NRXN3: variants seen among roughly 807,000 people sequenced by gnomAD.
NRXN3 encodes the protein neurexin III.
In NRXN3, 32 loss-of-function variants were observed where a neutral mutation model predicts 137.6. The ratio of observed to expected loss-of-function variants is 0.23; its 90% CI spans 0.18 to 0.31. The LOEUF is 0.31. Ranked by LOEUF, NRXN3 falls within the 10% of genes least tolerant of loss-of-function variation. The pLI is 1.00. For synonymous variants in NRXN3, 798 were observed against 784.5 expected (o/e 1.02, Z -0.29); for missense variants, 1,574 against 2,062.5 (o/e 0.76, Z 4.59).
chr14:79,094,937 TGAGA>T (rs1476031880), intron 15 of NRXN3, among the ~76,000 whole-genome samples: 3 of 135,730 alleles, frequency 2.2e-5, no homozygotes, highest in Non-Finnish European at 3.1e-5. Context: ...ATTTGGCTTC[TGAGA>T]GAGAGAAAGA....
At chr14:78,862,359 C>T (rs8009919) in intron 10 of NRXN3, among the ~76,000 whole-genome samples, 3,394 of 151,948 alleles carry the variant, frequency 0.022, 125 homozygotes, top group African/African-American at 0.078. Context: ...TGGATATTTG[C>T]GAAGATTTAT....
chr14:78,459,991 A>G lies in NRXN3; in HGVS notation c.757+162131A>G, dbSNP rs1057504718. Reference sequence around the variant, plus strand: ...CAACTGTGCTTCTGACCAACTGGCTATAAATCGGGGATTCCCACAATCCCC... The same window carrying G: ...CAACTGTGCTTCTGACCAACTGGCTGTAAATCGGGGATTCCCACAATCCCC... On this transcript the variant is annotated intron_variant, in intron 4 of 20. Coordinates refer to ENST00000335750, the MANE Select transcript of NRXN3 (RefSeq NM_001330195.2). Among the ~76,000 whole-genome samples, 7 of 152,362 alleles carry G rather than the reference A, an allele frequency of 4.6e-5. No individual in the cohort carries two copies. The East Asian group carries it at 9.7e-4, about 21-fold the overall frequency.
intron 4 of NRXN3, among the ~76,000 whole-genome samples, chr14:78,346,299 C>G (rs1291994151): frequency 1.3e-5 from 2 of 152,098 alleles, no homozygotes; most frequent in African/African-American, 4.8e-5. Context: ...AGTCTCATGT[C>G]CTTTGTATTT....
intron 4 of NRXN3, among the ~76,000 whole-genome samples, chr14:78,513,922 A>T (rs1252505316): frequency 6.6e-6 from 1 of 151,980 alleles, no homozygotes; most frequent in East Asian, 1.9e-4. Flanking sequence ...CTTCTATAAC[A>T]TTGCTTACTG....
intron 4 of NRXN3, among the ~76,000 whole-genome samples, chr14:78,494,426 GT>G (rs1047418197): frequency 2.4e-3 from 320 of 134,992 alleles, no homozygotes; most frequent in African/African-American, 8.1e-3. Flanking sequence ...GAGGTGTTTT[GT>G]TTTTTTTTTT....
intron 15 of NRXN3, among the ~76,000 whole-genome samples, chr14:79,158,423 G>A (rs988394627): frequency 2.6e-5 from 4 of 151,798 alleles, no homozygotes; most frequent in African/African-American, 7.2e-5. Context: ...CTATTATGAT[G>A]TATGAAGCTT....
chr14:78,937,760 G>C (rs1197519792), intron 10 of NRXN3, among the ~76,000 whole-genome samples: 7 of 152,196 alleles, frequency 4.6e-5, no homozygotes, highest in Non-Finnish European at 8.8e-5. Context: ...ACTGTTACAG[G>C]AATATGTAAG....
chr14:79,835,738 C>T (rs545603621), intron 20 of NRXN3, among the ~76,000 whole-genome samples: 34 of 152,244 alleles, frequency 2.2e-4, no homozygotes, highest in African/African-American at 8.2e-4. Context: ...GGCCATTGCC[C>T]TGGGTTTCAT....
intron 2 of NRXN3, among the ~76,000 whole-genome samples, chr14:78,263,274 G>A (rs538406155): frequency 9.5e-4 from 144 of 152,102 alleles, no homozygotes; most frequent in Non-Finnish European, 1.4e-3. Context: ...TGTTAGCTTC[G>A]TTTCCTTTAG....
chr14:79,801,199 A>G (rs1373747421), intron 19 of NRXN3, among the ~76,000 whole-genome samples: 1 of 152,238 alleles, frequency 6.6e-6, no homozygotes, highest in Non-Finnish European at 1.5e-5. Flanking sequence ...CTGAATTCAT[A>G]TAAGACCCAC....
chr14:79,848,533 A>G (rs2099385185), intron 20 of NRXN3, among the ~76,000 whole-genome samples: 1 of 152,158 alleles, frequency 6.6e-6, no homozygotes, highest in Admixed American at 6.5e-5. Context: ...ACTGTGGCCC[A>G]GGGAAGCCAA....
chr14:79,671,565 G>T (rs1303122735), intron 17 of NRXN3, among the ~76,000 whole-genome samples: 1 of 152,010 alleles, frequency 6.6e-6, no homozygotes, highest in Non-Finnish European at 1.5e-5. Context: ...CAAAAAGAAA[G>T]AACTTTTAAA....
chr14:78,362,250 ACT>A (rs2085242013), intron 4 of NRXN3, among the ~76,000 whole-genome samples: 1 of 136,904 alleles, frequency 7.3e-6, no homozygotes, highest in African/African-American at 2.8e-5. Context: ...AAAAGAAGAA[ACT>A]ATAGTTTCTG....
chr14:78,480,375 A>G (rs760173742), intron 4 of NRXN3, among the ~76,000 whole-genome samples: 23 of 152,198 alleles, frequency 1.5e-4, no homozygotes, highest in Non-Finnish European at 2.9e-4. Context: ...TTTAGAGGAT[A>G]TTAAAATTAC....
chr14:78,653,878 C>G (rs1373912024), intron 6 of NRXN3, among the ~76,000 whole-genome samples: 1 of 152,092 alleles, frequency 6.6e-6, no homozygotes, highest in Non-Finnish European at 1.5e-5. Context: ...GTCAATATAT[C>G]CTTATCTTAG....
chr14:79,358,611 A>AAGAAAGAT (rs1566902359), intron 15 of NRXN3, among the ~76,000 whole-genome samples: 1 of 61,236 alleles, frequency 1.6e-5, no homozygotes, highest in Admixed American at 1.8e-4. Flanking sequence ...AAGAAAGAGA[A>AAGAAAGAT]AGAAAGAAAG....
intron 16 of NRXN3, among the ~76,000 whole-genome samples, chr14:79,556,728 A>AT (rs2097433404): frequency 6.6e-6 from 1 of 151,956 alleles, no homozygotes; most frequent in South Asian, 2.1e-4. Context: ...GATAAAAATT[A>AT]TTTTTTGTGT....
chr14:79,419,581 C>A (rs2095546376), intron 15 of NRXN3, among the ~76,000 whole-genome samples: 3 of 151,800 alleles, frequency 2.0e-5, no homozygotes, highest in Non-Finnish European at 4.4e-5. Context: ...GTCTTGTGTG[C>A]CTCCTGCTGC....
chr14:79,216,540 G>A (rs73325846), intron 15 of NRXN3, among the ~76,000 whole-genome samples: 4,630 of 152,210 alleles, frequency 0.03, 236 homozygotes, highest in African/African-American at 0.11. Flanking sequence ...CTACAATATT[G>A]TTTGGTCATC....
Sources: allele counts gnomAD v4.1 joint callset (sites outside exome capture counted in the v4.1 genomes callset), GRCh38; gene constraint gnomAD v4.1.1; transcripts MANE v1.5; gene names NCBI Gene and HGNC (gene_info 2026-07-23, HGNC 2026-07-21).